The following BMAL2 variants were observed in gnomAD, a reference collection of about 807,000 sequenced individuals.
BMAL2 encodes basic helix-loop-helix ARNT like 2, also known as basic helix-loop-helix ARNT-like protein 2.
the BMAL2 span, among the ~76,000 whole-genome samples, chr12:27,339,193 T>C: frequency 6.6e-6 from 1 of 152,206 alleles, no homozygotes; most frequent in Non-Finnish European, 1.5e-5. Flanking sequence ...CTCCCACTTA[T>C]AAGTGAGAAC....
the BMAL2 span, among the ~76,000 whole-genome samples, chr12:27,397,043 T>C: frequency 1.3e-5 from 2 of 151,444 alleles, no homozygotes; most frequent in South Asian, 2.1e-4. Flanking sequence ...GAATTCACTG[T>C]GGTTTTGTTT....
chr12:27,401,153 T>C, the BMAL2 span: 46 of 902,142 alleles, frequency 5.1e-5, no homozygotes, highest in Non-Finnish European at 8.2e-5. Flanking sequence ...ACTCATCCCC[T>C]ACCCTGTGCA....
At chr12:27,380,642 G>A in the BMAL2 span, among the ~76,000 whole-genome samples, 3 of 152,256 alleles carry the variant, frequency 2.0e-5, no homozygotes, top group South Asian at 2.1e-4. Flanking sequence ...ACCTTGAAAG[G>A]TATTTACATT....
the BMAL2 span, among the ~76,000 whole-genome samples, chr12:27,372,384 T>C: frequency 8.5e-5 from 13 of 152,372 alleles, no homozygotes; most frequent in Admixed American, 4.6e-4. Context: ...ACTGTGTGTA[T>C]ACACCATATT....
chr12:27,376,955 C>T, the BMAL2 span, among the ~76,000 whole-genome samples: 82 of 136,998 alleles, frequency 6.0e-4, no homozygotes, highest in East Asian at 7.4e-3. Context: ...GAGCCGAAAT[C>T]GCGCCACTGC....
the BMAL2 span, among the ~76,000 whole-genome samples, chr12:27,392,739 G>C: frequency 6.6e-6 from 1 of 152,184 alleles, no homozygotes; most frequent in Non-Finnish European, 1.5e-5. Flanking sequence ...AATGTTTGAT[G>C]CAAGTTATAA....
At chr12:27,389,977 C>A in the BMAL2 span, 1 of 1,252,254 alleles carries the variant, frequency 8.0e-7, no homozygotes, top group Non-Finnish European at 1.1e-6. Context: ...CATGCCATTG[C>A]TTTAAAAAAC....
At chr12:27,370,214 G>A in the BMAL2 span, 6 of 1,613,380 alleles carry the variant, frequency 3.7e-6, no homozygotes, top group East Asian at 2.2e-5. Flanking sequence ...AGAAATATCA[G>A]CCTCCAGTGG....
chr12:27,352,088 G>A, the BMAL2 span, among the ~76,000 whole-genome samples: 1 of 152,144 alleles, frequency 6.6e-6, no homozygotes, highest in Non-Finnish European at 1.5e-5. Flanking sequence ...TTACACTGCT[G>A]AAGCATTTTT....
At chr12:27,420,423 C>T in the BMAL2 span, 1 of 1,613,926 alleles carries the variant, frequency 6.2e-7, no homozygotes, top group Non-Finnish European at 8.5e-7. Context: ...GATTTCGATG[C>T]CCTATGTGAC....
the BMAL2 span, among the ~76,000 whole-genome samples, chr12:27,333,423 C>CA: frequency 5.9e-5 from 9 of 152,240 alleles, no homozygotes; most frequent in East Asian, 1.5e-3. Context: ...GGGGACCTTG[C>CA]ACCCGGCGCT....
the BMAL2 span, among the ~76,000 whole-genome samples, chr12:27,386,541 C>G: frequency 6.6e-6 from 1 of 152,188 alleles, no homozygotes; most frequent in Non-Finnish European, 1.5e-5. Context: ...CTTCCCTGTC[C>G]TCATTCTGCC....
chr12:27,353,737 C>T, the BMAL2 span, among the ~76,000 whole-genome samples: 27 of 151,962 alleles, frequency 1.8e-4, no homozygotes, highest in African/African-American at 6.5e-4. Context: ...CAACAAACAA[C>T]TGTATTAAAA....
the BMAL2 span, among the ~76,000 whole-genome samples, chr12:27,338,906 C>A: frequency 6.6e-6 from 1 of 152,150 alleles, no homozygotes; most frequent in Non-Finnish European, 1.5e-5. Context: ...GTTATCTGGG[C>A]CCCTTCTCTC....
At chr12:27,342,996 C>G in the BMAL2 span, among the ~76,000 whole-genome samples, 1 of 152,138 alleles carries the variant, frequency 6.6e-6, no homozygotes, top group Non-Finnish European at 1.5e-5. Flanking sequence ...ATGTTCAATT[C>G]GCACCTCAAA....
At chr12:27,352,181 A>G in the BMAL2 span, among the ~76,000 whole-genome samples, 16 of 152,246 alleles carry the variant, frequency 1.1e-4, no homozygotes, top group Admixed American at 5.2e-4. Flanking sequence ...GCTAAATCAA[A>G]GAACAGCATG....
At chr12:27,406,651 T>C in the BMAL2 span, among the ~76,000 whole-genome samples, 1 of 152,112 alleles carries the variant, frequency 6.6e-6, no homozygotes, top group African/African-American at 2.4e-5. Context: ...TGCCAAATTG[T>C]AAACCATTGA....
chr12:27,376,882 C>A, the BMAL2 span, among the ~76,000 whole-genome samples: 1 of 151,682 alleles, frequency 6.6e-6, no homozygotes, highest in Non-Finnish European at 1.5e-5. Flanking sequence ...CACCTGTAGT[C>A]CCAGCTACTC....
chr12:27,362,345 C>T, the BMAL2 span, among the ~76,000 whole-genome samples: 1 of 152,068 alleles, frequency 6.6e-6, no homozygotes, highest in Non-Finnish European at 1.5e-5. Context: ...AGAATCCAGG[C>T]CTAGAAGTCT....
Sources: allele counts gnomAD v4.1 joint callset (sites outside exome capture counted in the v4.1 genomes callset), GRCh38; gene constraint gnomAD v4.1.1; transcripts MANE v1.5; gene names NCBI Gene and HGNC (gene_info 2026-07-23, HGNC 2026-07-21).